The following ARL5A variants were observed in gnomAD, a reference collection of about 807,000 sequenced individuals.
The protein encoded by ARL5A is ARF like GTPase 5A, also known as ADP-ribosylation factor-like protein 5A.
Under a neutral mutation model 25.9 loss-of-function variants are expected in ARL5A, and 18 were observed. That is an observed-to-expected ratio of 0.69 (90% confidence interval 0.48 to 1.03). The LOEUF is 1.03. Among genes scored for constraint, ARL5A ranks in the 50% least tolerant of loss-of-function variants. The pLI is 0.00. For missense variants in ARL5A, 170 were observed against 211.9 expected (o/e 0.80, Z 1.23); for synonymous variants, 61 against 67.5 (o/e 0.90, Z 0.47).
intron 3 of ARL5A, among the ~76,000 whole-genome samples, chr2:151,813,877 A>C (rs2099831164): frequency 6.6e-6 from 1 of 152,202 alleles, no homozygotes; most frequent in Admixed American, 6.5e-5. Flanking sequence ...AATAGAGAGA[A>C]ATGAAATTAT....
rs1559825690 is a variant in ARL5A at position 151,828,355 on chromosome 2, C to T, written c.-179G>A. On this transcript the variant is annotated 5_prime_UTR_variant, in exon 1 of 6. Coordinates refer to ENST00000295087, the MANE Select transcript of ARL5A (RefSeq NM_012097.4). ...CCGAAGCCCAGGCCGCCCTGCCGCG[C>T]GCAAGGCCCCGCCGCTGCCGCCGCG... is the stretch of plus-strand genomic sequence containing the variant. 1.0e-5 allele frequency: 5 copies of T among 496,790 alleles called. No homozygotes were observed. Among genetic ancestry groups the T allele is most frequent in the Admixed American group, 4.5e-5 (1 of 22,454 alleles). 30.8% of individuals were successfully genotyped at this position (496,790 alleles called of 1,614,324 possible).
chr2:151,810,984 C>G (rs2099830761), intron 4 of ARL5A, among the ~76,000 whole-genome samples: 1 of 152,078 alleles, frequency 6.6e-6, no homozygotes, highest in South Asian at 2.1e-4. Context: ...TCTTCTGCCT[C>G]TTTTACGGCT....
chr2:151,801,992 C>CTTCTTAGT lies in ARL5A; in HGVS notation c.*1276_*1283dup, dbSNP rs2099829476. 1 of 152,042 alleles carries CTTCTTAGT rather than the reference C, an allele frequency of 6.6e-6. No homozygotes were observed. Among genetic ancestry groups the CTTCTTAGT allele is most frequent in the Non-Finnish European group, 1.5e-5 (1 of 67,952 alleles). 9.4% of individuals were successfully genotyped at this position (152,042 alleles called of 1,614,324 possible). A position where few individuals can be genotyped will look rare whatever the true frequency, so the allele number is the denominator to read the frequency against. On this transcript the variant is annotated 3_prime_UTR_variant, in exon 6 of 6. Transcript: ENST00000295087. Reference sequence around the variant, plus strand: ...ATAAAAGGTGTTTTGGGTCAAGTTACTTCTTAGTACAAATAATACGTTGTA... The same window carrying CTTCTTAGT: ...ATAAAAGGTGTTTTGGGTCAAGTTACTTCTTAGTTTCTTAGTACAAATAATACGTTGTA...
intron 4 of ARL5A, chr2:151,810,562 C>T (rs973883788): frequency 2.2e-6 from 1 of 446,694 alleles, no homozygotes; most frequent in Non-Finnish European, 4.5e-6. Context: ...CTTTTTACTT[C>T]TGCTAATAAA....
Position 151,801,514 on chromosome 2 carries a change from T to C in ARL5A, c.*1762A>G, listed in dbSNP as rs1271576659. On this transcript the variant is annotated 3_prime_UTR_variant, in exon 6 of 6. Coordinates refer to ENST00000295087, the MANE Select transcript of ARL5A (RefSeq NM_012097.4). ...AGGGATTTGAGAAAGTACGAGAACA[T>C]ATGGGAAAAGCTTAGTAATTTAAGA... 1 of 152,134 alleles carries C rather than the reference T, an allele frequency of 6.6e-6. No individual in the cohort carries two copies. Among genetic ancestry groups the C allele is most frequent in the Non-Finnish European group, 1.5e-5 (1 of 67,980 alleles). 9.4% of individuals were successfully genotyped at this position (152,134 alleles called of 1,614,324 possible). A position where few individuals can be genotyped will look rare whatever the true frequency, so the allele number is the denominator to read the frequency against.
At chr2:151,826,416 T>C (rs923676167) in intron 1 of ARL5A, among the ~76,000 whole-genome samples, 2 of 152,192 alleles carry the variant, frequency 1.3e-5, no homozygotes, top group African/African-American at 4.8e-5. Context: ...ACCCTTATTA[T>C]TTACTACTCC....
intron 5 of ARL5A, among the ~76,000 whole-genome samples, chr2:151,805,040 T>C (rs1187333587): frequency 6.6e-6 from 1 of 152,184 alleles, no homozygotes; most frequent in Admixed American, 6.5e-5. Flanking sequence ...TATCAAAGTA[T>C]ATAAATTAAA....
chr2:151,819,932 T>C (rs1455355904), intron 1 of ARL5A, among the ~76,000 whole-genome samples: 15 of 152,150 alleles, frequency 9.9e-5, no homozygotes, highest in Non-Finnish European at 2.2e-4. Flanking sequence ...GGCGTGAGCC[T>C]ATAGTCCCAG....
At position 151,828,392 on chromosome 2, in the gene ARL5A, G is replaced by A; in HGVS notation, c.-216C>T. ...CCGCTGCCGCCGCGGCACTCGCCTG[G>A]CTCGCGGACATCGCCGCCGCGTTGT... On this transcript the variant is annotated 5_prime_UTR_variant, in exon 1 of 6. Coordinates refer to ENST00000295087, the MANE Select transcript of ARL5A (RefSeq NM_012097.4). 4.9e-6 allele frequency: 2 copies of A among 410,042 alleles called. No homozygotes were observed. Among genetic ancestry groups the A allele is most frequent in the East Asian group, 4.0e-5 (1 of 24,874 alleles). 25.4% of individuals were successfully genotyped at this position (410,042 alleles called of 1,614,324 possible).
chr2:151,820,340 G>A (rs1053491322), intron 1 of ARL5A, among the ~76,000 whole-genome samples: 4 of 152,026 alleles, frequency 2.6e-5, no homozygotes, highest in Admixed American at 2.6e-4. Context: ...GAGAGAGAAG[G>A]TATAGTAGAT....
chr2:151,806,074 T>A (rs954410786), intron 5 of ARL5A, among the ~76,000 whole-genome samples: 3 of 152,222 alleles, frequency 2.0e-5, no homozygotes, highest in African/African-American at 7.2e-5. Context: ...TCTGACAAAC[T>A]GGTTGAATGT....
intron 4 of ARL5A, chr2:151,810,607 G>C (rs750946969): frequency 2.3e-6 from 1 of 434,800 alleles, no homozygotes. Flanking sequence ...TCAAAACCTG[G>C]CTCTTAAAAA....
chr2:151,812,175 T>C (rs1486140224), intron 4 of ARL5A, among the ~76,000 whole-genome samples, 182 bp downstream of exon 4: 1 of 152,208 alleles, frequency 6.6e-6, no homozygotes, highest in African/African-American at 2.4e-5. Context: ...CCATAATCTT[T>C]CTGCTGCTTC....
intron 1 of ARL5A, among the ~76,000 whole-genome samples, chr2:151,819,536 G>C (rs2099831977): frequency 6.6e-6 from 1 of 152,102 alleles, no homozygotes; most frequent in Non-Finnish European, 1.5e-5. Context: ...TCAAAGAATA[G>C]ATTGAATAAT....
intron 4 of ARL5A, among the ~76,000 whole-genome samples, chr2:151,808,378 T>C (rs1383511003): frequency 6.6e-6 from 1 of 152,252 alleles, no homozygotes; most frequent in East Asian, 1.9e-4. Flanking sequence ...TTTGTTAGAA[T>C]ACAGTTTTGA....
intron 4 of ARL5A, among the ~76,000 whole-genome samples, chr2:151,809,585 C>T (rs538685940): frequency 5.3e-5 from 8 of 152,166 alleles, no homozygotes; most frequent in African/African-American, 1.7e-4. Context: ...TGTTCATCAA[C>T]GTGACTTAAC....
chr2:151,809,224 C>T (rs1301165073), intron 4 of ARL5A, among the ~76,000 whole-genome samples: 1 of 152,164 alleles, frequency 6.6e-6, no homozygotes, highest in Non-Finnish European at 1.5e-5. Flanking sequence ...GTTGAAGGAA[C>T]AACCTTCTGA....
intron 5 of ARL5A, among the ~76,000 whole-genome samples, chr2:151,805,855 C>T (rs1317552307): frequency 6.6e-6 from 1 of 152,116 alleles, no homozygotes; most frequent in Non-Finnish European, 1.5e-5. Context: ...TACAGATGCA[C>T]CATATTTTGG....
At chr2:151,808,186 A>G (rs2099830333) in intron 4 of ARL5A, among the ~76,000 whole-genome samples, 1 of 152,212 alleles carries the variant, frequency 6.6e-6, no homozygotes, top group African/African-American at 2.4e-5. Flanking sequence ...AGCAAGTGAA[A>G]CCCTCATAAA....
Sources: gnomAD v4.1 joint callset for allele counts (sites outside exome capture counted in the v4.1 genomes callset) on GRCh38, gnomAD v4.1.1 for gene constraint, MANE v1.5 for transcripts, NCBI Gene and HGNC (gene_info 2026-07-23, HGNC 2026-07-21) for gene names.